TPD52: variants seen among roughly 807,000 people sequenced by gnomAD.
TPD52 encodes tumor protein D52, also known as prostate and colon associated protein.
Under a neutral mutation model 31.3 loss-of-function variants are expected in TPD52, and 17 were observed. The observed-to-expected ratio is 0.54, with a 90% CI of 0.37 to 0.82. The LOEUF is 0.82. Ranked by LOEUF, TPD52 falls within the 40% of genes least tolerant of loss-of-function variation. The pLI, the probability that TPD52 is intolerant of heterozygous loss-of-function variation, is 0.00. For missense variants in TPD52, 212 were observed against 240.1 expected (o/e 0.88, Z 0.77); for synonymous variants, 83 against 89.6 (o/e 0.93, Z 0.42).
At chr8:80,082,644 A>T (rs986269050) in intron 1 of TPD52, among the ~76,000 whole-genome samples, 3 of 152,202 alleles carry the variant, frequency 2.0e-5, no homozygotes, top group Non-Finnish European at 2.9e-5. Context: ...TGAGGCAGAA[A>T]TGCCACCTCT....
At chr8:80,101,276 C>T (rs1482839919) in intron 1 of TPD52, among the ~76,000 whole-genome samples, 5 of 151,846 alleles carry the variant, frequency 3.3e-5, no homozygotes, top group Non-Finnish European at 7.4e-5. Context: ...GGTGAAACCC[C>T]GTCTCTACTA....
intron 1 of TPD52, among the ~76,000 whole-genome samples, chr8:80,094,331 A>G (rs995477363): frequency 2.0e-5 from 3 of 149,892 alleles, no homozygotes; most frequent in African/African-American, 7.3e-5. Flanking sequence ...TCGCCAAGCC[A>G]ATTTGTTCTT....
intron 1 of TPD52, among the ~76,000 whole-genome samples, chr8:80,076,126 A>C (rs1814504289): frequency 6.6e-6 from 1 of 152,234 alleles, no homozygotes; most frequent in African/African-American, 2.4e-5. Flanking sequence ...TGTACATTAG[A>C]AAATTCTCCC....
intron 1 of TPD52, among the ~76,000 whole-genome samples, chr8:80,102,196 G>T (rs528525238): frequency 6.6e-6 from 1 of 152,200 alleles, no homozygotes; most frequent in African/African-American, 2.4e-5. Context: ...TTCTGGCTCC[G>T]GATTTCCCCT....
intron 1 of TPD52, among the ~76,000 whole-genome samples, chr8:80,089,407 GA>G (rs1816080225): frequency 6.6e-6 from 1 of 152,214 alleles, no homozygotes; most frequent in Non-Finnish European, 1.5e-5. Flanking sequence ...ATAAGAGAAT[GA>G]GCTGCATTTT....
intron 1 of TPD52, among the ~76,000 whole-genome samples, chr8:80,164,292 G>T (rs1200505808): frequency 6.6e-6 from 1 of 152,118 alleles, no homozygotes; most frequent in African/African-American, 2.4e-5. Context: ...AGGTTTAGCT[G>T]CTGGCAATGA....
At position 80,035,711 on chromosome 8, in the gene TPD52, CCA is replaced by C. The variant is rs893345871; in HGVS notation, c.*2403_*2404del. The C allele has an allele frequency of 2.6e-5, 4 of 152,136 alleles. No individual in the cohort carries two copies. Among genetic ancestry groups the C allele is most frequent in the African/African-American group, 9.7e-5 (4 of 41,434 alleles). The allele number at this position is 152,136 out of a possible 1,614,324, so 9.4% of individuals were successfully genotyped here. Reference sequence around the variant, plus strand: ...AGCATAAGAATTCTTGCCCTATTTCCCACAAACTCCATAAATTGACATTTCTT... The same window carrying C: ...AGCATAAGAATTCTTGCCCTATTTCCCAAACTCCATAAATTGACATTTCTT... On this transcript the variant is annotated 3_prime_UTR_variant, in exon 8 of 8. Transcript: ENST00000518937.
In TPD52 at chr8:80,036,731, T is replaced by G. The variant is rs1057488893; in HGVS notation, c.*1385A>C. On this transcript the variant is annotated 3_prime_UTR_variant, in exon 8 of 8. Transcript: ENST00000518937. The stretch of plus-strand genomic sequence containing the variant: ...AATCAACACCTGTGGCTTTTAAAAT[T>G]TGGTTTTCATAAGATAATTTATACT... 5.9e-5 allele frequency: 9 copies of G among 152,664 alleles called. No homozygotes were observed. The highest frequency in any genetic ancestry group is 2.2e-4 in the African/African-American group (9 of 41,470). 9.5% of individuals were successfully genotyped at this position (152,664 alleles called of 1,614,324 possible).
intron 1 of TPD52, among the ~76,000 whole-genome samples, chr8:80,097,041 G>A (rs1216737060): frequency 1.3e-5 from 2 of 152,182 alleles, no homozygotes; most frequent in African/African-American, 2.4e-5. Context: ...GAAATTACAA[G>A]TGCTACTCCA....
intron 7 of TPD52, among the ~76,000 whole-genome samples, chr8:80,039,408 CA>C (rs1393979102): frequency 6.6e-6 from 1 of 152,086 alleles, no homozygotes; most frequent in Non-Finnish European, 1.5e-5. Flanking sequence ...ACTTGTTCTA[CA>C]TCCAATCAAT....
intron 1 of TPD52, among the ~76,000 whole-genome samples, chr8:80,135,132 T>G (rs1809300969): frequency 6.6e-6 from 1 of 152,188 alleles, no homozygotes; most frequent in African/African-American, 2.4e-5. Flanking sequence ...CCCTTCAGGT[T>G]ACTTCCAACC....
At chr8:80,073,653 T>C (rs964581337) in intron 1 of TPD52, among the ~76,000 whole-genome samples, 1 of 152,234 alleles carries the variant, frequency 6.6e-6, no homozygotes, top group Admixed American at 6.5e-5. Flanking sequence ...TATAGGAAGT[T>C]ATACAGTCAA....
chr8:80,106,608 G>A (rs938682859), intron 1 of TPD52, among the ~76,000 whole-genome samples: 1 of 151,634 alleles, frequency 6.6e-6, no homozygotes, highest in Non-Finnish European at 1.5e-5. Flanking sequence ...CACCCGCTTC[G>A]GCCTCCCAAA....
chr8:80,032,576 T>C (rs1436044383), downstream of TPD52: 1 of 152,242 alleles, frequency 6.6e-6, no homozygotes, highest in Non-Finnish European at 1.5e-5. Context: ...ATAGTTTCAT[T>C]CTACTGCTAA....
intron 1 of TPD52, chr8:80,066,788 C>T (rs1037802920): frequency 3.3e-5 from 5 of 152,194 alleles, no homozygotes; most frequent in Admixed American, 6.5e-5. Flanking sequence ...TAAATCTACC[C>T]TCTATGTCAG....
intron 6 of TPD52, 31 bp downstream of exon 6, chr8:80,044,136 A>G (rs771411173): frequency 6.4e-7 from 1 of 1,562,054 alleles, no homozygotes; most frequent in South Asian, 1.2e-5. Flanking sequence ...AAAGCATAAG[A>G]CCAACTACAT....
chr8:80,077,523 T>C (rs553881066), intron 1 of TPD52, among the ~76,000 whole-genome samples: 2 of 152,294 alleles, frequency 1.3e-5, no homozygotes, highest in African/African-American at 2.4e-5. Context: ...AAGCCTTGAA[T>C]AGTTAATCTG....
At chr8:80,066,917 T>G (rs1813220162) in intron 1 of TPD52, 1 of 152,222 alleles carries the variant, frequency 6.6e-6, no homozygotes, top group Non-Finnish European at 1.5e-5. Context: ...ATTTTATTTT[T>G]AATGTTTTGT....
downstream of TPD52, among the ~76,000 whole-genome samples, chr8:80,031,473 A>G (rs1264327721): frequency 6.6e-6 from 1 of 152,228 alleles, no homozygotes; most frequent in East Asian, 1.9e-4. Flanking sequence ...ACTCTTGCCT[A>G]GAACATTATT....
Sources: allele counts gnomAD v4.1 joint callset (sites outside exome capture counted in the v4.1 genomes callset), GRCh38; gene constraint gnomAD v4.1.1; transcripts MANE v1.5; gene names NCBI Gene and HGNC (gene_info 2026-07-23, HGNC 2026-07-21).